SPON1: variants seen among roughly 807,000 people sequenced by gnomAD.
The protein encoded by SPON1 is spondin-1.
Under a neutral mutation model 111.7 loss-of-function variants are expected in SPON1, and 52 were observed. The ratio of observed to expected loss-of-function variants is 0.47; its 90% CI spans 0.37 to 0.59. The LOEUF (loss-of-function observed/expected upper bound fraction) is 0.59. SPON1 is among the 20% of genes least tolerant of loss of function. The pLI is 0.00. For missense variants in SPON1, 957 were observed against 1,068.5 expected, an observed-to-expected ratio of 0.90 and a Z score of 1.46; for synonymous variants, 410 against 395.8, an observed-to-expected ratio of 1.04 and a Z score of -0.43.
intron 6 of SPON1, among the ~76,000 whole-genome samples, chr11:14,211,045 T>C (rs987839627): frequency 6.5e-4 from 99 of 152,266 alleles, no homozygotes; most frequent in Non-Finnish European, 1.1e-3. Flanking sequence ...GTGATGCCTC[T>C]GGCTTTGTTC....
intron 2 of SPON1, among the ~76,000 whole-genome samples, chr11:14,001,310 C>T (rs1848315684): frequency 6.6e-6 from 1 of 152,144 alleles, no homozygotes; most frequent in Non-Finnish European, 1.5e-5. Context: ...ATTTTAACCC[C>T]AGGAGCCCTC....
chr11:14,216,586 C>G (rs1437008409), intron 6 of SPON1, among the ~76,000 whole-genome samples: 4 of 152,090 alleles, frequency 2.6e-5, no homozygotes, highest in Admixed American at 2.0e-4. Flanking sequence ...GAGCATGGTG[C>G]CAGTATCTGA....
At chr11:14,172,297 C>T (rs1462102719) in intron 6 of SPON1, among the ~76,000 whole-genome samples, 8 of 151,648 alleles carry the variant, frequency 5.3e-5, no homozygotes, top group East Asian at 1.9e-4. Context: ...CTGTTTTATC[C>T]GATACTAGGG....
intron 2 of SPON1, among the ~76,000 whole-genome samples, chr11:14,029,432 C>T (rs1427161856): frequency 1.3e-5 from 2 of 152,078 alleles, no homozygotes; most frequent in African/African-American, 4.8e-5. Flanking sequence ...CAGCCAAAAC[C>T]GGGCTCTTGT....
intron 6 of SPON1, among the ~76,000 whole-genome samples, chr11:14,158,500 G>T (rs1287576589): frequency 6.6e-6 from 1 of 152,052 alleles, no homozygotes; most frequent in African/African-American, 2.4e-5. Flanking sequence ...CTTGATCTTA[G>T]CTCAAGTCAT....
At chr11:14,066,392 A>G (rs995880640) in intron 3 of SPON1, among the ~76,000 whole-genome samples, 21 of 151,704 alleles carry the variant, frequency 1.4e-4, no homozygotes, top group Non-Finnish European at 2.8e-4. Context: ...AAGACGCTGG[A>G]AAAAAAAATT....
chr11:14,065,273 C>G lies in SPON1; in HGVS notation c.480-10072C>G, dbSNP rs561417102. The stretch of plus-strand genomic sequence containing the variant: ...GAGGACAGTGCTCTTGCAGTCAGCC[C>G]TAGTTTGCAGGAACCCACAGAAGCG... On this transcript the variant is annotated intron_variant, in intron 3 of 15. Transcript: ENST00000576479. Among the ~76,000 whole-genome samples the G allele has an allele frequency of 2.8e-4, 43 of 152,300 alleles. No homozygotes were observed. The South Asian group carries it at 7.3e-3, about 26-fold the overall frequency.
chr11:13,993,398 A>G (rs1848246765), intron 2 of SPON1, among the ~76,000 whole-genome samples: 1 of 151,942 alleles, frequency 6.6e-6, no homozygotes, highest in African/African-American at 2.4e-5. Context: ...GTGGCAAGGA[A>G]CTCAGGGACT....
At chr11:13,963,419 C>T (rs927641554) in intron 1 of SPON1, among the ~76,000 whole-genome samples, 2 of 152,200 alleles carry the variant, frequency 1.3e-5, no homozygotes, top group African/African-American at 4.8e-5. Flanking sequence ...CTGAGCCACA[C>T]GTCACGCCGG....
At chr11:14,198,200 C>T (rs545859865) in intron 6 of SPON1, among the ~76,000 whole-genome samples, 12 of 152,256 alleles carry the variant, frequency 7.9e-5, no homozygotes, top group African/African-American at 2.9e-4. Flanking sequence ...TCTTAAATTG[C>T]CTGTTAAGTA....
intron 2 of SPON1, among the ~76,000 whole-genome samples, chr11:13,984,272 C>G (rs368923044): frequency 6.6e-6 from 1 of 152,130 alleles, no homozygotes. Context: ...GAAATTGAAA[C>G]TAGAGAGATT....
At chr11:14,256,987 G>A (rs1278471799) in intron 10 of SPON1, among the ~76,000 whole-genome samples, 2 of 152,068 alleles carry the variant, frequency 1.3e-5, no homozygotes, top group African/African-American at 2.4e-5. Context: ...TCTCTGCTTC[G>A]ATTCTCAGGC....
intron 2 of SPON1, among the ~76,000 whole-genome samples, chr11:13,991,806 C>G (rs1591343035): frequency 1.3e-5 from 2 of 152,188 alleles, no homozygotes; most frequent in African/African-American, 4.8e-5. Context: ...TTCCTTCTGA[C>G]AGCCAGGCCC....
At chr11:14,155,227 T>A (rs1554930247) in intron 6 of SPON1, among the ~76,000 whole-genome samples, 1 of 152,216 alleles carries the variant, frequency 6.6e-6, no homozygotes, top group Non-Finnish European at 1.5e-5. Context: ...CATTTTCAAG[T>A]ATCTTTGTCG....
intron 3 of SPON1, 27 bp downstream of exon 3, chr11:14,041,681 C>A: frequency 6.2e-7 from 1 of 1,610,878 alleles, no homozygotes; most frequent in East Asian, 2.2e-5. Context: ...TCCTTCCCTG[C>A]AGTTTATCAA....
chr11:14,094,725 A>C (rs1180507320), intron 5 of SPON1, among the ~76,000 whole-genome samples: 1 of 152,196 alleles, frequency 6.6e-6, no homozygotes, highest in African/African-American at 2.4e-5. Context: ...CAAAATGAGG[A>C]AGGAAGAGAG....
chr11:13,993,622 C>T (rs1285780683), intron 2 of SPON1, among the ~76,000 whole-genome samples: 2 of 152,138 alleles, frequency 1.3e-5, no homozygotes, highest in African/African-American at 4.8e-5. Flanking sequence ...TTCTCTCTCT[C>T]CCCAACTTAG....
At chr11:14,170,926 G>A (rs1457010257) in intron 6 of SPON1, among the ~76,000 whole-genome samples, 1 of 152,296 alleles carries the variant, frequency 6.6e-6, no homozygotes, top group Non-Finnish European at 1.5e-5. Flanking sequence ...TTGCATCAAT[G>A]TTCATCAAGG....
intron 6 of SPON1, among the ~76,000 whole-genome samples, chr11:14,158,360 T>G (rs1183750960): frequency 6.6e-6 from 1 of 152,206 alleles, no homozygotes; most frequent in Non-Finnish European, 1.5e-5. Context: ...CTGTTTAATC[T>G]CTTAGCCACT....
Sources: allele counts gnomAD v4.1 joint callset (sites outside exome capture counted in the v4.1 genomes callset), GRCh38; gene constraint gnomAD v4.1.1; transcripts MANE v1.5; gene names NCBI Gene and HGNC (gene_info 2026-07-23, HGNC 2026-07-21).